CNGA1: variants seen among roughly 807,000 people sequenced by gnomAD.
CNGA1 encodes cyclic nucleotide gated channel subunit alpha 1.
Under a neutral mutation model 69.7 loss-of-function variants are expected in CNGA1, and 53 were observed. The observed-to-expected ratio is 0.76, with a 90% CI of 0.61 to 0.96. CNGA1 has a LOEUF of 0.96. CNGA1 is among the 40% of genes least tolerant of loss of function. The pLI is 0.00. For missense variants in CNGA1, 739 were observed against 811.2 expected (o/e 0.91, Z 1.08); for synonymous variants, 249 against 283.5 (o/e 0.88, Z 1.22).
intron 9 of CNGA1, 104 bp downstream of exon 9, chr4:47,941,937 G>C (rs1233049709): frequency 7.2e-6 from 5 of 698,072 alleles, no homozygotes; most frequent in Non-Finnish European, 1.3e-5. Flanking sequence ...GTAGAGAAAG[G>C]AGGTGTGTCC....
At position 47,996,490 on chromosome 4, in the gene CNGA1, C is replaced by A. The variant is rs201894706; in HGVS notation, c.-123+14304G>T. Among the ~76,000 whole-genome samples, 43 of 152,220 alleles carry A rather than the reference C, an allele frequency of 2.8e-4. No homozygotes were observed. The East Asian group carries it at 7.9e-3, about 28-fold the overall frequency. On this transcript the variant is annotated intron_variant, in intron 2 of 10. Coordinates refer to ENST00000514170, the MANE Select transcript of CNGA1 (RefSeq NM_001379270.1). ...TTTATTAGCATAATGGGAATAGATTCTTCTAATCAAGGTATGGTAAATAGA... is the reference window on the plus strand; with the variant it reads ...TTTATTAGCATAATGGGAATAGATTATTCTAATCAAGGTATGGTAAATAGA...
intron 2 of CNGA1, among the ~76,000 whole-genome samples, chr4:48,009,442 G>A (rs1715053210): frequency 1.4e-5 from 2 of 141,244 alleles, no homozygotes; most frequent in Admixed American, 1.5e-4. Flanking sequence ...TCCAGCCTGG[G>A]CAACAGAGCC....
chr4:47,970,696 A>T (rs946545614), intron 3 of CNGA1, among the ~76,000 whole-genome samples: 1 of 150,926 alleles, frequency 6.6e-6, no homozygotes, highest in Non-Finnish European at 1.5e-5. Context: ...TGTCTACTGA[A>T]TTATTGCCCT....
At chr4:48,009,646 A>C (rs1284293358) in intron 2 of CNGA1, among the ~76,000 whole-genome samples, 1 of 151,944 alleles carries the variant, frequency 6.6e-6, no homozygotes, top group Non-Finnish European at 1.5e-5. Context: ...TCTACTAAAA[A>C]TACAAAAATT....
intron 3 of CNGA1, among the ~76,000 whole-genome samples, chr4:47,979,686 C>T (rs1485809999): frequency 6.6e-6 from 1 of 152,106 alleles, no homozygotes; most frequent in East Asian, 1.9e-4. Context: ...TTCTTAGACA[C>T]TTTTTAAAAT....
intron 9 of CNGA1, among the ~76,000 whole-genome samples, 154 bp from the exon 10 acceptor site, chr4:47,941,023 C>A (rs903067520): frequency 6.6e-6 from 1 of 152,106 alleles, no homozygotes; most frequent in Non-Finnish European, 1.5e-5. Context: ...ATGGCTCTCC[C>A]GATATTTTCC....
At chr4:47,982,410 G>A (rs1741758759) in intron 2 of CNGA1, among the ~76,000 whole-genome samples, 1 of 152,200 alleles carries the variant, frequency 6.6e-6, no homozygotes, top group Admixed American at 6.5e-5. Context: ...GGCACCTCAA[G>A]ATGCCTAGCA....
At chr4:48,000,733 G>C (rs1714632295) in intron 2 of CNGA1, among the ~76,000 whole-genome samples, 1 of 52,950 alleles carries the variant, frequency 1.9e-5, no homozygotes, top group Non-Finnish European at 5.8e-5. Context: ...TACATACAGT[G>C]GGGGAAGCGG....
At chr4:47,999,388 A>C (rs1714560170) in intron 2 of CNGA1, among the ~76,000 whole-genome samples, 1 of 152,232 alleles carries the variant, frequency 6.6e-6, no homozygotes. Context: ...AAAGGATCAA[A>C]CTAATTTGCA....
chr4:47,990,668 C>T (rs554886824), intron 2 of CNGA1, among the ~76,000 whole-genome samples: 6 of 152,222 alleles, frequency 3.9e-5, no homozygotes, highest in South Asian at 4.1e-4. Flanking sequence ...GCTGATTTTG[C>T]GGCTCGGCGT....
Position 47,936,203 on chromosome 4 carries a change from G to T in CNGA1, c.*218C>A. 3.4e-6 allele frequency: 2 copies of T among 595,438 alleles called. No homozygotes were observed. The highest frequency in any genetic ancestry group is 5.9e-6 in the Non-Finnish European group (2 of 336,730). 36.9% of individuals were successfully genotyped at this position (595,438 alleles called of 1,614,324 possible). ...GACAAGTTAATCAGTTTATATCTTT[G>T]CACATTATCAGTTGTGAAAAATCCC... On this transcript the variant is annotated 3_prime_UTR_variant, in exon 11 of 11. Transcript: ENST00000514170.
chr4:47,936,649 A>T lies in CNGA1; in HGVS notation c.1833T>A (p.Asn611Lys). Residue 611 changes from asparagine (N) to lysine (K), a missense_variant, in exon 11 of 11, where the codon AAT (asparagine) becomes AAA (lysine). Transcript: ENST00000514170. ...KDGLLDLNIA[N>K]AGSDPKDLEE... is the part of the protein sequence containing the mutation. ...CAAGATCTTTAGGATCACTGCCAGC[A>T]TTTGCAATGTTTAGATCCAGTAGAC... is the stretch of plus-strand genomic sequence containing the variant. 6.2e-7 allele frequency: 1 copy of T among 1,614,110 alleles called. No individual in the cohort carries two copies. Among genetic ancestry groups the T allele is most frequent in the Non-Finnish European group, 8.5e-7 (1 of 1,180,008 alleles).
At chr4:47,975,406 A>T (rs1343353362) in intron 3 of CNGA1, among the ~76,000 whole-genome samples, 1 of 152,214 alleles carries the variant, frequency 6.6e-6, no homozygotes, top group African/African-American at 2.4e-5. Flanking sequence ...CATAATCATT[A>T]TCATCATCTT....
At chr4:48,002,270 T>G (rs1381040738) in intron 2 of CNGA1, among the ~76,000 whole-genome samples, 1 of 152,130 alleles carries the variant, frequency 6.6e-6, no homozygotes, top group African/African-American at 2.4e-5. Flanking sequence ...TAAAGATTCA[T>G]AAAATTGAAA....
intron 2 of CNGA1, among the ~76,000 whole-genome samples, chr4:47,984,675 C>T (rs879357822): frequency 0.051 from 6,513 of 128,536 alleles, 345 homozygotes; most frequent in East Asian, 0.3. Flanking sequence ...CACACACACA[C>T]ACACACACAC....
intron 2 of CNGA1, among the ~76,000 whole-genome samples, chr4:47,984,875 T>C (rs1466544135): frequency 6.6e-6 from 1 of 152,162 alleles, no homozygotes. Context: ...TGTTGTTGAA[T>C]GTGGAAGACC....
intron 3 of CNGA1, among the ~76,000 whole-genome samples, chr4:47,964,323 G>T (rs1175886904): frequency 6.6e-6 from 1 of 152,078 alleles, no homozygotes; most frequent in Non-Finnish European, 1.5e-5. Context: ...ATATAATTCT[G>T]ATTGTCAGAA....
intron 10 of CNGA1, among the ~76,000 whole-genome samples, chr4:47,939,009 AAG>A (rs1374266099): frequency 2.0e-5 from 3 of 151,554 alleles, no homozygotes; most frequent in African/African-American, 4.9e-5. Flanking sequence ...GAAAGAAAGA[AAG>A]AGAAAGAAGA....
At chr4:47,941,952 G>A (rs1183022460) in intron 9 of CNGA1, 89 bp downstream of exon 9, 2 of 766,670 alleles carry the variant, frequency 2.6e-6, no homozygotes, top group Non-Finnish European at 4.4e-6. Flanking sequence ...GTGTCCTAAA[G>A]GGCTCTAAGT....
Sources: gnomAD v4.1 joint callset for allele counts (sites outside exome capture counted in the v4.1 genomes callset) on GRCh38, gnomAD v4.1.1 for gene constraint, MANE v1.5 for transcripts, NCBI Gene and HGNC (gene_info 2026-07-23, HGNC 2026-07-21) for gene names.